The following JAML variants were observed in gnomAD, a reference collection of about 807,000 sequenced individuals.
The protein encoded by JAML is junction adhesion molecule like.
A neutral mutation model predicts 39.3 loss-of-function variants in JAML; 25 were observed. The observed-to-expected ratio is 0.64, with a 90% CI of 0.46 to 0.89. The LOEUF (loss-of-function observed/expected upper bound fraction) is 0.89. Among genes scored for constraint, JAML ranks in the 40% least tolerant of loss-of-function variants. The pLI is 0.00. For synonymous variants in JAML, 162 were observed against 179.2 expected (o/e 0.90, Z 0.77); for missense variants, 440 against 486.9 (o/e 0.90, Z 0.91).
At chr11:118,215,720 G>T (rs568939947) in intron 1 of JAML, among the ~76,000 whole-genome samples, 2 of 152,074 alleles carry the variant, frequency 1.3e-5, no homozygotes, top group African/African-American at 4.8e-5. Flanking sequence ...ATGAGAGTTG[G>T]GCTGTGCATT....
At chr11:118,212,357 C>A in intron 3 of JAML, 50 bp downstream of exon 3, 2 of 1,597,442 alleles carry the variant, frequency 1.3e-6, no homozygotes, top group Non-Finnish European at 8.5e-7. Context: ...TCTGTCCTGA[C>A]ACCAGCAGTC....
Position 118,194,384 on chromosome 11 carries a change from T to C in JAML, c.1126A>G (p.Asn376Asp). The change falls in exon 10 of 10, where the codon AAC becomes GAC. Residue 376 changes from asparagine to aspartate, a missense_variant. Asn to Asp is a conservative substitution (Grantham distance 23, BLOSUM62 1). Transcript: ENST00000356289. ...CCTGACTTTTTTTCAAGTGAGTTGTTCCGATCTGACCTCAGAGAAGGCCAA... is the reference window on the plus strand; with the variant it reads ...CCTGACTTTTTTTCAAGTGAGTTGTCCCGATCTGACCTCAGAGAAGGCCAA... ...PVWPSLRSDRNNSLEKKSGGG... is the reference protein window; with the variant it reads ...PVWPSLRSDRDNSLEKKSGGG... 6.2e-7 allele frequency: 1 copy of C among 1,614,152 alleles called. No individual in the cohort carries two copies. Among genetic ancestry groups the C allele is most frequent in the Non-Finnish European group, 8.5e-7 (1 of 1,180,004 alleles).
chr11:118,219,558 C>T (rs1224295045), intron 1 of JAML, among the ~76,000 whole-genome samples: 1 of 152,232 alleles, frequency 6.6e-6, no homozygotes, highest in African/African-American at 2.4e-5. Flanking sequence ...TCCCTTCAGC[C>T]CCTGCCTCTT....
chr11:118,206,267 G>A (rs1163303567), intron 4 of JAML, among the ~76,000 whole-genome samples: 3 of 152,072 alleles, frequency 2.0e-5, no homozygotes, highest in Non-Finnish European at 4.4e-5. Flanking sequence ...CAAGCCTGAG[G>A]GTTTCTGCTG....
At chr11:118,200,661 A>T in intron 6 of JAML, 49 bp from the exon 7 acceptor site, 1 of 1,610,426 alleles carries the variant, frequency 6.2e-7, no homozygotes, top group Non-Finnish European at 8.5e-7. Flanking sequence ...TTTAGCAAAG[A>T]GCTGAGAGCC....
intron 4 of JAML, chr11:118,209,140 TG>T: frequency 3.0e-6 from 1 of 328,808 alleles, no homozygotes; most frequent in Admixed American, 2.9e-5. Context: ...GAGATTTTTC[TG>T]GAAGCATAAT....
Position 118,222,086 on chromosome 11 carries a change from C to T in JAML, c.-21+2855G>A, listed in dbSNP as rs575786700. 2.6e-4 allele frequency among the ~76,000 whole-genome samples: 39 copies of T among 152,152 alleles called. 1 individual carries two copies. In the South Asian group the frequency reaches 5.4e-3, roughly 21 times the overall value. On this transcript the variant is annotated intron_variant, in intron 1 of 9. Transcript: ENST00000356289. The surrounding 1 kb of genome is among the most constrained non-coding windows in gnomAD (Gnocchi z 4.2). ...AGTCAGAAATCAACTTAATTAAAGA[C>T]GATATTTGGGCTGTATGTATACAGA...
At chr11:118,204,420 G>A (rs963800537) in intron 5 of JAML, 6 of 152,584 alleles carry the variant, frequency 3.9e-5, no homozygotes, top group Non-Finnish European at 5.9e-5. Flanking sequence ...AAAATGCAAG[G>A]CCCTGCATGA....
At chr11:118,217,026 A>T (rs558161671) in intron 1 of JAML, among the ~76,000 whole-genome samples, 1 of 152,314 alleles carries the variant, frequency 6.6e-6, no homozygotes, top group South Asian at 2.1e-4. Context: ...TCCTCTGCCC[A>T]GAAAACAGCA....
chr11:118,216,803 A>G (rs1005442791), intron 1 of JAML, among the ~76,000 whole-genome samples: 3 of 152,166 alleles, frequency 2.0e-5, no homozygotes, highest in African/African-American at 7.2e-5. Flanking sequence ...ATATATCAGG[A>G]GTCACATAGA....
intron 3 of JAML, among the ~76,000 whole-genome samples, chr11:118,212,002 A>T (rs543066190): frequency 4.1e-4 from 50 of 120,524 alleles, no homozygotes; most frequent in Non-Finnish European, 9.3e-4. Flanking sequence ...CCTTTCTAGA[A>T]CCTCGGAATT....
intron 1 of JAML, among the ~76,000 whole-genome samples, chr11:118,216,470 G>T (rs367965157): frequency 6.6e-6 from 1 of 152,120 alleles, no homozygotes; most frequent in Non-Finnish European, 1.5e-5. Flanking sequence ...TATTCAAGGA[G>T]GTTCCTACCT....
intron 6 of JAML, chr11:118,202,998 C>T (rs1183146286): frequency 6.5e-6 from 3 of 458,264 alleles, no homozygotes; most frequent in Non-Finnish European, 1.3e-5. Context: ...ATGTTCCTCT[C>T]TGTTCCTGGC....
chr11:118,214,113 AATTTCTTCTCCTTCC>A (rs1949108749), intron 2 of JAML, among the ~76,000 whole-genome samples: 1 of 152,208 alleles, frequency 6.6e-6, no homozygotes, highest in Admixed American at 6.5e-5. Context: ...GCACCTGATT[AATTTCTTCTCCTTCC>A]AGAACTACAT....
rs1234969724 is a variant in JAML, at chr11:118,222,108, C to T, written c.-21+2833G>A. 1.3e-5 allele frequency among the ~76,000 whole-genome samples: 2 copies of T among 152,178 alleles called. No individual in the cohort carries two copies. Among genetic ancestry groups the T allele is most frequent in the Admixed American group, 6.5e-5 (1 of 15,274 alleles). On this transcript the variant is annotated intron_variant, in intron 1 of 9. Coordinates refer to ENST00000356289, the MANE Select transcript of JAML (RefSeq NM_001098526.2). This position sits in a 1 kb window ranked among gnomAD's most constrained non-coding sequence, Gnocchi z 4.2. ...AGACGATATTTGGGCTGTATGTATA[C>T]AGATATTGTTTTAAAAGCCCCTGCT... is the stretch of plus-strand genomic sequence containing the variant.
chr11:118,223,591 T>C (rs1157388887), intron 1 of JAML, among the ~76,000 whole-genome samples: 1 of 152,218 alleles, frequency 6.6e-6, no homozygotes, highest in African/African-American at 2.4e-5. Context: ...GTTGGCATCA[T>C]GCTGTCTTTA....
intron 1 of JAML, among the ~76,000 whole-genome samples, chr11:118,219,686 C>T (rs747071633): frequency 9.9e-5 from 15 of 152,200 alleles, no homozygotes; most frequent in Non-Finnish European, 1.6e-4. Context: ...CATTTGCTGC[C>T]GGTGACATCG....
rs1108820 is a variant in JAML, at chr11:118,213,228, G to T, written c.44-667C>A. On this transcript the variant is annotated intron_variant, in intron 2 of 9. Transcript: ENST00000356289. ...CTATGTTGCTCAAGCAATTTCGAGC[G>T]GTCACTACAAGAAAAAACCATTACA... 12,141 of 1,275,734 alleles carry T rather than the reference G, an allele frequency of 9.5e-3. 918 individuals are homozygous for T. In the African/African-American group the frequency reaches 0.16, roughly 17 times the overall value. The allele number at this position is 1,275,734 out of a possible 1,614,324, so 79.0% of individuals were successfully genotyped here. A position where few individuals can be genotyped will look rare whatever the true frequency, so the allele number is the denominator to read the frequency against.
At chr11:118,200,853 T>A (rs947090892) in intron 6 of JAML, 1 of 404,026 alleles carries the variant, frequency 2.5e-6, no homozygotes, top group Non-Finnish European at 4.5e-6. Context: ...AGTTCACCTC[T>A]AGTAAAGTTT....
Sources: allele counts gnomAD v4.1 joint callset (sites outside exome capture counted in the v4.1 genomes callset), GRCh38; gene constraint gnomAD v4.1.1; non-coding constraint Gnocchi (gnomAD v3.1); transcripts MANE v1.5; gene names NCBI Gene and HGNC (gene_info 2026-07-23, HGNC 2026-07-21).